PHTF2: variants seen among roughly 807,000 people sequenced by gnomAD.
The protein encoded by PHTF2 is protein PHTF2.
Under a neutral mutation model 101.2 loss-of-function variants are expected in PHTF2, and 60 were observed. That is an observed-to-expected ratio of 0.59 (90% CI 0.48 to 0.73). The LOEUF is 0.73. PHTF2 is among the 30% of genes least tolerant of loss of function. The pLI is 0.00. For synonymous variants in PHTF2, 311 were observed against 307.3 expected, an observed-to-expected ratio of 1.01 and a Z score of -0.13; for missense variants, 747 against 908.7, an observed-to-expected ratio of 0.82 and a Z score of 2.29.
At chr7:77,948,375 AAACC>A (rs1806265255) in intron 16 of PHTF2, among the ~76,000 whole-genome samples, 1 of 152,176 alleles carries the variant, frequency 6.6e-6, no homozygotes, top group South Asian at 2.1e-4. Flanking sequence ...AAATGGAGCA[AAACC>A]AAATGACTTC....
intron 1 of PHTF2, among the ~76,000 whole-genome samples, chr7:77,812,500 A>C (rs996572139): frequency 6.6e-6 from 1 of 152,174 alleles, no homozygotes; most frequent in East Asian, 1.9e-4. Flanking sequence ...TTAGTGGCTT[A>C]GTCAGTAGTA....
chr7:77,841,489 G>A (rs974283216), intron 2 of PHTF2, among the ~76,000 whole-genome samples: 10 of 151,938 alleles, frequency 6.6e-5, no homozygotes, highest in African/African-American at 2.4e-4. Flanking sequence ...TTTTGAGACA[G>A]GATCTCACTC....
At chr7:77,897,737 T>C (rs1310820561) in intron 5 of PHTF2, among the ~76,000 whole-genome samples, 4 of 152,174 alleles carry the variant, frequency 2.6e-5, no homozygotes, top group Admixed American at 2.6e-4. Context: ...AAAATAATTA[T>C]AGATTTGATC....
intron 3 of PHTF2, among the ~76,000 whole-genome samples, chr7:77,866,642 A>T (rs193201072): frequency 1.6e-3 from 238 of 152,322 alleles, no homozygotes; most frequent in African/African-American, 5.6e-3. Context: ...TCTGTACAGC[A>T]TAAGATTGTT....
chr7:77,910,963 A>C (rs1802335939), intron 9 of PHTF2, among the ~76,000 whole-genome samples: 1 of 152,056 alleles, frequency 6.6e-6, no homozygotes, highest in Non-Finnish European at 1.5e-5. Flanking sequence ...TACTTGTGTT[A>C]ATTGGTTAAT....
chr7:77,901,833 G>A, exon 7 of PHTF2: 1 of 1,595,794 alleles, frequency 6.3e-7, no homozygotes. Context: ...TGTTCGAGTT[G>A]TATTTTTCCC....
chr7:77,834,198 C>T (rs1469764428), intron 1 of PHTF2, among the ~76,000 whole-genome samples: 2 of 150,932 alleles, frequency 1.3e-5, no homozygotes, highest in African/African-American at 4.9e-5. Flanking sequence ...CCTATAGTCA[C>T]AGCTATTTTG....
chr7:77,892,981 C>T (rs1237448784), intron 3 of PHTF2, among the ~76,000 whole-genome samples: 2 of 152,160 alleles, frequency 1.3e-5, no homozygotes, highest in African/African-American at 4.8e-5. Context: ...GAATTTGTCA[C>T]TTGGAAGTTT....
chr7:77,843,006 C>G (rs970979976), intron 2 of PHTF2, among the ~76,000 whole-genome samples: 3 of 152,108 alleles, frequency 2.0e-5, no homozygotes, highest in Non-Finnish European at 2.9e-5. Flanking sequence ...TCTAAGACAG[C>G]CTTTGTTGAA....
chr7:77,890,904 CTTTTTTTTTTTT>C (rs11442975), intron 3 of PHTF2, among the ~76,000 whole-genome samples: 1 of 92,960 alleles, frequency 1.1e-5, no homozygotes, highest in Non-Finnish European at 2.1e-5. Flanking sequence ...CGCACCCGGC[CTTTTTTTTTTTT>C]TTTTTTTTTT....
intron 7 of PHTF2, 137 bp downstream of exon 6, chr7:77,902,057 G>A (rs965491013): frequency 2.8e-5 from 12 of 421,172 alleles, no homozygotes; most frequent in Middle Eastern, 1.2e-3. Context: ...AATTGATTTG[G>A]TATTAAAAAT....
intron 10 of PHTF2, among the ~76,000 whole-genome samples, chr7:77,921,201 GT>G (rs954017708): frequency 2.6e-5 from 4 of 152,010 alleles, no homozygotes; most frequent in African/African-American, 9.7e-5. Flanking sequence ...TACCTGTTTT[GT>G]TTTCTTTTGT....
At chr7:77,923,545 G>A in intron 11 of PHTF2, 1 of 985,280 alleles carries the variant, frequency 1.0e-6, no homozygotes, top group Non-Finnish European at 1.2e-6. Context: ...ACTCTTCTTT[G>A]TGGTTGTGTC....
chr7:77,950,626 G>A (rs1806455010), intron 17 of PHTF2, among the ~76,000 whole-genome samples: 2 of 152,176 alleles, frequency 1.3e-5, no homozygotes, highest in South Asian at 2.1e-4. Context: ...CTGCACTCCA[G>A]CCTAGGCAAC....
intron 1 of PHTF2, among the ~76,000 whole-genome samples, chr7:77,829,806 G>C (rs1379924605): frequency 6.6e-6 from 1 of 152,136 alleles, no homozygotes; most frequent in Non-Finnish European, 1.5e-5. Flanking sequence ...ATTTTCATTA[G>C]ACCTTTTAGA....
At chr7:77,881,524 T>C (rs905425652) in intron 3 of PHTF2, among the ~76,000 whole-genome samples, 5 of 151,980 alleles carry the variant, frequency 3.3e-5, no homozygotes, top group African/African-American at 9.7e-5. Context: ...GGTTTTGTTT[T>C]TTTTTTTTAC....
intron 3 of PHTF2, among the ~76,000 whole-genome samples, chr7:77,885,643 C>T (rs1799774845): frequency 6.6e-6 from 1 of 152,132 alleles, no homozygotes. Context: ...TAGGGTTTCA[C>T]CATGTTGGCC....
intron 16 of PHTF2, among the ~76,000 whole-genome samples, chr7:77,945,723 G>A (rs780453288): frequency 2.5e-4 from 38 of 151,962 alleles, no homozygotes; most frequent in Non-Finnish European, 5.0e-4. Flanking sequence ...AAAGTTGAAG[G>A]CATCAGTGGC....
chr7:77,881,890 A>G (rs1032515955), intron 3 of PHTF2, among the ~76,000 whole-genome samples: 1 of 152,216 alleles, frequency 6.6e-6, no homozygotes, highest in African/African-American at 2.4e-5. Context: ...TCTGCTTTGA[A>G]TTATGACTCT....
Sources: gnomAD v4.1 joint callset for allele counts (sites outside exome capture counted in the v4.1 genomes callset) on GRCh38, gnomAD v4.1.1 for gene constraint, MANE v1.5 for transcripts, NCBI Gene and HGNC (gene_info 2026-07-23, HGNC 2026-07-21) for gene names.